HRH1: variants seen among roughly 807,000 people sequenced by gnomAD.
HRH1 encodes histamine receptor H1.
In HRH1, 6 loss-of-function variants were observed where a neutral mutation model predicts 10.3. The ratio of observed to expected loss-of-function variants is 0.58; its 90% CI spans 0.32 to 1.15. HRH1 has a LOEUF of 1.15. Ranked by LOEUF, HRH1 falls within the 50% of genes most tolerant of loss-of-function variation. The pLI, the probability that HRH1 is intolerant of heterozygous loss-of-function variation, is 0.05. For missense variants in HRH1, 514 were observed against 615.3 expected (o/e 0.84, Z 1.74); for synonymous variants, 242 against 236.7 (o/e 1.02, Z -0.21).
intron 1 of HRH1, 108 bp from the exon 2 acceptor site, chr3:11,258,895 G>A (rs931946130): frequency 6.9e-6 from 5 of 729,300 alleles, no homozygotes; most frequent in Non-Finnish European, 1.1e-5. Context: ...AACCAGCAGT[G>A]TTGATCACCC....
At chr3:11,243,686 T>C (rs1939406928) in intron 1 of HRH1, among the ~76,000 whole-genome samples, 1 of 152,216 alleles carries the variant, frequency 6.6e-6, no homozygotes, top group South Asian at 2.1e-4. Flanking sequence ...TGAGTCTTTC[T>C]TCTACTGAGC....
intron 1 of HRH1, among the ~76,000 whole-genome samples, chr3:11,162,910 A>G (rs895401643): frequency 6.6e-6 from 1 of 152,202 alleles, no homozygotes; most frequent in African/African-American, 2.4e-5. Flanking sequence ...GGCAAAGATT[A>G]TTCAAAGAAT....
At chr3:11,187,505 T>TG (rs1300427536) in intron 1 of HRH1, among the ~76,000 whole-genome samples, 1 of 152,090 alleles carries the variant, frequency 6.6e-6, no homozygotes, top group African/African-American at 2.4e-5. Flanking sequence ...TTCTGTAAAA[T>TG]GGGGGCAAAA....
chr3:11,242,348 GCGGGTGCCTGTACTCCCAGATATT>G (rs1357289308), intron 1 of HRH1, among the ~76,000 whole-genome samples: 6 of 151,952 alleles, frequency 3.9e-5, no homozygotes, highest in Non-Finnish European at 7.4e-5. Context: ...GGCCATGGTG[GCGGGTGCCTGTACTCCCAGATATT>G]CGGGGAGGCT....
chr3:11,222,322 A>G (rs1387781655), intron 1 of HRH1, among the ~76,000 whole-genome samples: 2 of 152,228 alleles, frequency 1.3e-5, no homozygotes, highest in African/African-American at 4.8e-5. Flanking sequence ...GGAACAATTT[A>G]TGAAAACTAT....
At chr3:11,253,610 C>T (rs1377670172) in intron 1 of HRH1, among the ~76,000 whole-genome samples, 1 of 152,148 alleles carries the variant, frequency 6.6e-6, no homozygotes, top group Non-Finnish European at 1.5e-5. Context: ...GTGCGGGGCA[C>T]TAATTCTCAA....
chr3:11,207,816 G>A (rs1938191045), intron 1 of HRH1, among the ~76,000 whole-genome samples: 1 of 151,980 alleles, frequency 6.6e-6, no homozygotes, highest in African/African-American at 2.4e-5. Flanking sequence ...GCCCTAGGGA[G>A]CCACTGCAGG....
At chr3:11,188,771 C>T (rs1574997351) in intron 1 of HRH1, among the ~76,000 whole-genome samples, 1 of 152,094 alleles carries the variant, frequency 6.6e-6, no homozygotes, top group Non-Finnish European at 1.5e-5. Context: ...AAAAAGCTCA[C>T]AATGTCGTGT....
At chr3:11,230,512 A>G (rs1939010762) in intron 1 of HRH1, among the ~76,000 whole-genome samples, 1 of 152,232 alleles carries the variant, frequency 6.6e-6, no homozygotes, top group Non-Finnish European at 1.5e-5. Context: ...CCCAACCTGG[A>G]TGTAACCACA....
In HRH1 at chr3:11,187,589, G is replaced by C. The variant is rs1017237713; in HGVS notation, c.-36+33035G>C. Among the ~76,000 whole-genome samples the C allele has an allele frequency of 3.3e-5, 5 of 152,146 alleles. No homozygotes were observed. The East Asian group carries it at 9.6e-4, about 29-fold the overall frequency. On this transcript the variant is annotated intron_variant, in intron 1 of 1. Coordinates refer to ENST00000431010, the MANE Select transcript of HRH1 (RefSeq NM_001098212.2). ...TGATGCAAATATACTTAGTTTCTAA[G>C]TCCTGCACATGCTGTAGCAAAGTCA...
At chr3:11,254,789 G>T (rs990342452) in intron 1 of HRH1, among the ~76,000 whole-genome samples, 1 of 152,180 alleles carries the variant, frequency 6.6e-6, no homozygotes, top group Admixed American at 6.5e-5. Context: ...TCCTCAGCAA[G>T]GCAAATTTAC....
chr3:11,170,764 A>G (rs1937136463), intron 1 of HRH1, among the ~76,000 whole-genome samples: 2 of 152,252 alleles, frequency 1.3e-5, no homozygotes, highest in Non-Finnish European at 2.9e-5. Flanking sequence ...GAGGTATGCC[A>G]GGAAAATTTC....
chr3:11,182,835 G>A (rs1200072788), intron 1 of HRH1, among the ~76,000 whole-genome samples: 8 of 152,176 alleles, frequency 5.3e-5, no homozygotes, highest in Non-Finnish European at 1.2e-4. Flanking sequence ...AAGGGCTCAT[G>A]TTTAGGAAGT....
At chr3:11,202,538 A>G (rs939859496) in intron 1 of HRH1, among the ~76,000 whole-genome samples, 78 of 152,044 alleles carry the variant, frequency 5.1e-4, no homozygotes, top group African/African-American at 1.8e-3. Context: ...TGTGGTATTG[A>G]CCTCCTGGCC....
intron 1 of HRH1, among the ~76,000 whole-genome samples, chr3:11,165,306 C>A (rs747684960): frequency 6.6e-6 from 1 of 152,200 alleles, no homozygotes; most frequent in Non-Finnish European, 1.5e-5. Flanking sequence ...TTGCAATCAT[C>A]CGTTAATTCC....
At chr3:11,174,966 A>G (rs900016834) in intron 1 of HRH1, among the ~76,000 whole-genome samples, 2 of 152,192 alleles carry the variant, frequency 1.3e-5, no homozygotes, top group African/African-American at 4.8e-5. Context: ...CCTGGATCCA[A>G]CAGGGTCCCA....
chr3:11,241,690 G>C (rs985296872), intron 1 of HRH1, among the ~76,000 whole-genome samples: 1 of 151,832 alleles, frequency 6.6e-6, no homozygotes, highest in Non-Finnish European at 1.5e-5. Context: ...AAAAAAATTA[G>C]CTGGGTGTGG....
chr3:11,258,720 A>G (rs1425262693), intron 1 of HRH1, among the ~76,000 whole-genome samples: 1 of 152,076 alleles, frequency 6.6e-6, no homozygotes, highest in African/African-American at 2.4e-5. Context: ...CTTCTGCCCA[A>G]CTCTCTCACT....
intron 1 of HRH1, among the ~76,000 whole-genome samples, chr3:11,215,251 C>G (rs142071941): frequency 6.6e-6 from 1 of 152,180 alleles, no homozygotes; most frequent in South Asian, 2.1e-4. Flanking sequence ...ACTTTTTGCA[C>G]TCATATTTCA....
Sources: allele counts gnomAD v4.1 joint callset (sites outside exome capture counted in the v4.1 genomes callset), GRCh38; gene constraint gnomAD v4.1.1; transcripts MANE v1.5; gene names NCBI Gene and HGNC (gene_info 2026-07-23, HGNC 2026-07-21).